Variants in MAP2K1 observed in about 807,000 individuals in gnomAD.
MAP2K1 encodes the protein mitogen-activated protein kinase kinase 1.
A neutral mutation model predicts 46.3 loss-of-function variants in MAP2K1; 16 were observed. The observed-to-expected ratio is 0.35, with a 90% CI of 0.23 to 0.52. The LOEUF (loss-of-function observed/expected upper bound fraction) is 0.52, where lower values mean the gene tolerates loss of function less well. Ranked by LOEUF, MAP2K1 falls within the 20% of genes least tolerant of loss-of-function variation. The pLI is 0.94. For synonymous variants in MAP2K1, 183 were observed against 185.6 expected, an observed-to-expected ratio of 0.99 and a Z score of 0.11; for missense variants, 263 against 497.1, an observed-to-expected ratio of 0.53 and a Z score of 4.48.
intron 1 of MAP2K1, among the ~76,000 whole-genome samples, chr15:66,396,820 G>T (rs2093368738): frequency 1.3e-5 from 2 of 151,178 alleles, no homozygotes; most frequent in South Asian, 4.2e-4. Context: ...AAGTAGCTAT[G>T]ATTATAGGCG....
At chr15:66,418,066 A>G (rs991543331) in intron 1 of MAP2K1, among the ~76,000 whole-genome samples, 13 of 152,232 alleles carry the variant, frequency 8.5e-5, no homozygotes, top group African/African-American at 1.7e-4. Context: ...AGTACCCTCC[A>G]CAATGTGGGA....
At chr15:66,485,248 T>G in intron 7 of MAP2K1, 57 bp downstream of exon 7, 1 of 1,514,034 alleles carries the variant, frequency 6.6e-7, no homozygotes, top group Non-Finnish European at 9.1e-7. Context: ...TCCCTTACTT[T>G]CAGGGGTTTC....
intron 3 of MAP2K1, among the ~76,000 whole-genome samples, chr15:66,438,064 AG>A (rs2093493325): frequency 7.2e-6 from 1 of 139,854 alleles, no homozygotes; most frequent in Non-Finnish European, 1.6e-5. Flanking sequence ...AGGGTGATGA[AG>A]GGTTTTTTTC....
At chr15:66,423,813 G>T (rs1226682337) in intron 1 of MAP2K1, among the ~76,000 whole-genome samples, 3 of 151,940 alleles carry the variant, frequency 2.0e-5, no homozygotes, top group Non-Finnish European at 2.9e-5. Flanking sequence ...CACCATGTTG[G>T]TCAGGCTGGT....
intron 1 of MAP2K1, among the ~76,000 whole-genome samples, chr15:66,418,824 T>C (rs559842184): frequency 6.6e-6 from 1 of 151,688 alleles, no homozygotes; most frequent in Non-Finnish European, 1.5e-5. Flanking sequence ...TTTTTTGTGT[T>C]TTTAGTAGAG....
chr15:66,487,610 CAAAA>C (rs768330061), intron 8 of MAP2K1, among the ~76,000 whole-genome samples: 6 of 148,294 alleles, frequency 4.0e-5, no homozygotes, highest in Admixed American at 6.6e-5. Flanking sequence ...AACAAAAAAA[CAAAA>C]AAACACATCG....
chr15:66,431,154 T>G (rs1437283310), intron 1 of MAP2K1, among the ~76,000 whole-genome samples: 1 of 152,172 alleles, frequency 6.6e-6, no homozygotes, highest in African/African-American at 2.4e-5. Context: ...AGTGTCAGTT[T>G]TGCTGATTTC....
intron 1 of MAP2K1, among the ~76,000 whole-genome samples, chr15:66,428,271 CGTGTGTGTGTGTGTGTGTGTGTGTGT>C (rs67373670): frequency 5.7e-5 from 7 of 122,280 alleles, no homozygotes; most frequent in South Asian, 5.8e-4. Context: ...AGCAGTTGTG[CGTGTGTGTGTGTGTGTGTGTGTGTGT>C]GTGTGTGTGT....
Position 66,420,721 on chromosome 15 carries a change from A to ATATATATATATATATATG in MAP2K1, c.81-14305_81-14304insATATATATATATATATGT, listed in dbSNP as rs1461381065. 2.7e-4 allele frequency among the ~76,000 whole-genome samples: 8 copies of ATATATATATATATATATG among 29,684 alleles called. 2 individuals carry two copies. The highest frequency in any genetic ancestry group is 4.7e-4 in the African/African-American group (4 of 8,500). 19.5% of individuals were successfully genotyped at this position (29,684 alleles called of 152,430 possible). On this transcript the variant is annotated intron_variant, in intron 1 of 10. Transcript: ENST00000307102. ...TTACTCTTGGCATATATATATATATATGTGTGTGTGTGTGTGTGTGTGTGT... is the reference window on the plus strand; with the variant it reads ...TTACTCTTGGCATATATATATATATATATATATATATATATATGTGTGTGTGTGTGTGTGTGTGTGTGT...
intron 5 of MAP2K1, among the ~76,000 whole-genome samples, chr15:66,459,616 T>TG (rs553119113): frequency 0.32 from 15,156 of 48,042 alleles, 918 homozygotes; most frequent in East Asian, 0.52. Context: ...AGACACCATC[T>TG]CAAAAAAAAA....
intron 1 of MAP2K1, among the ~76,000 whole-genome samples, chr15:66,420,706 C>CATATATATAT (rs752935675): frequency 0.047 from 965 of 20,334 alleles, 216 homozygotes; most frequent in Non-Finnish European, 0.068. Context: ...TTACTCTTGG[C>CATATATATAT]ATATATATAT....
At chr15:66,397,429 C>T (rs534256241) in intron 1 of MAP2K1, among the ~76,000 whole-genome samples, 23 of 152,074 alleles carry the variant, frequency 1.5e-4, no homozygotes, top group Non-Finnish European at 2.9e-4. Context: ...AGAGCATCAT[C>T]CAAAATAACA....
Position 66,481,823 on chromosome 15 carries a change from G to A in MAP2K1, c.637G>A (p.Gly213Arg), listed in dbSNP as rs1313264011. The stretch of plus-strand genomic sequence containing the variant: ...CAAGCTCTGTGACTTTGGGGTCAGC[G>A]GGCAGCTCATCGACTCCATGGCCAA... The part of the protein sequence containing the change: ...EIKLCDFGVS[G>R]QLIDSMANSF... The change falls in exon 6 of 11, where the codon GGG becomes AGG. Residue 213 changes from glycine (G) to arginine (R), a missense_variant. Physicochemically the swap from Gly to Arg is moderately radical, Grantham distance 125. This residue lies in a region of MAP2K1 where 11 missense variants were observed against 52.6 expected (regional missense o/e 0.21). Coordinates refer to ENST00000307102, the MANE Select transcript of MAP2K1 (RefSeq NM_002755.4). The A allele has an allele frequency of 2.5e-6, 4 of 1,613,830 alleles. No individual in the cohort carries two copies. The highest frequency in any genetic ancestry group is 1.7e-5 in the Admixed American group (1 of 59,992).
At chr15:66,471,896 G>A (rs1217218531) in intron 5 of MAP2K1, among the ~76,000 whole-genome samples, 1 of 152,032 alleles carries the variant, frequency 6.6e-6, no homozygotes, top group Non-Finnish European at 1.5e-5. Flanking sequence ...GGCCAACATG[G>A]TGAAACCCCG....
intron 6 of MAP2K1, among the ~76,000 whole-genome samples, chr15:66,484,463 T>TTA (rs1337740043): frequency 2.0e-5 from 3 of 152,184 alleles, no homozygotes; most frequent in African/African-American, 7.2e-5. Context: ...AGCAGCCCCA[T>TTA]TTTATAGATG....
In MAP2K1 at chr15:66,422,820, C is replaced by T. The variant is rs145448058; in HGVS notation, c.81-12207C>T. Among the ~76,000 whole-genome samples the T allele has an allele frequency of 2.9e-3, 439 of 152,144 alleles. 3 individuals carry two copies. The highest frequency in any genetic ancestry group is 0.01 in the African/African-American group (426 of 41,510). On this transcript the variant is annotated intron_variant, in intron 1 of 10. Coordinates refer to ENST00000307102, the MANE Select transcript of MAP2K1 (RefSeq NM_002755.4). The stretch of plus-strand genomic sequence containing the variant: ...TTATCTCTTCAAGTATTTCTTCTGT[C>T]CTGTTCCCTCTTGTTCATCCAAGAC...
At chr15:66,470,151 C>T (rs1364775550) in intron 5 of MAP2K1, among the ~76,000 whole-genome samples, 4 of 132,554 alleles carry the variant, frequency 3.0e-5, no homozygotes, top group Admixed American at 2.4e-4. Flanking sequence ...GGCCTCGTTC[C>T]CCATAATTTG....
chr15:66,387,475 C>G (rs769572694), intron 1 of MAP2K1, 48 bp downstream of exon 1: 8 of 1,530,896 alleles, frequency 5.2e-6, no homozygotes, highest in South Asian at 1.2e-5. Flanking sequence ...TGGGGAGGCC[C>G]GAGCCGGGGA....
intron 5 of MAP2K1, among the ~76,000 whole-genome samples, chr15:66,470,815 A>G (rs952990074): frequency 3.3e-5 from 5 of 152,194 alleles, no homozygotes; most frequent in Non-Finnish European, 7.3e-5. Flanking sequence ...TATTTTGCCA[A>G]GGTTGAGGAC....
Sources: gnomAD v4.1 joint callset for allele counts (sites outside exome capture counted in the v4.1 genomes callset) on GRCh38, gnomAD v4.1.1 for gene constraint, gnomAD v4.1.1 regional missense constraint, MANE v1.5 for transcripts, NCBI Gene and HGNC (gene_info 2026-07-23, HGNC 2026-07-21) for gene names.